The following HSD11B1 variants were observed in gnomAD, a reference collection of about 807,000 sequenced individuals.
HSD11B1 encodes hydroxysteroid 11-beta dehydrogenase 1.
In HSD11B1, 15 loss-of-function variants were observed where a neutral mutation model predicts 22.1. That is an observed-to-expected ratio of 0.68 (90% CI 0.45 to 1.04). The LOEUF is 1.04. Among genes scored for constraint, HSD11B1 ranks in the 50% least tolerant of loss-of-function variants. HSD11B1 has a pLI of 0.00. For missense variants in HSD11B1, 281 were observed against 357.6 expected, an observed-to-expected ratio of 0.79 and a Z score of 1.73; for synonymous variants, 122 against 125.2, an observed-to-expected ratio of 0.97 and a Z score of 0.17.
At chr1:209,719,124 G>GT (rs2076949396) in intron 4 of HSD11B1, among the ~76,000 whole-genome samples, 1 of 151,494 alleles carries the variant, frequency 6.6e-6, no homozygotes, top group Admixed American at 6.6e-5. Context: ...CAAAAACACT[G>GT]TATGTTTCAC....
intron 1 of HSD11B1, among the ~76,000 whole-genome samples, chr1:209,692,616 G>GGC (rs1553286744): frequency 9.1e-6 from 1 of 110,436 alleles, no homozygotes; most frequent in African/African-American, 3.4e-5. Flanking sequence ...GCGGGGGGGG[G>GGC]GGTGGGGGCT....
upstream of HSD11B1, among the ~76,000 whole-genome samples, chr1:209,699,950 A>G (rs1410524855): frequency 6.6e-6 from 1 of 152,186 alleles, no homozygotes; most frequent in Non-Finnish European, 1.5e-5. Context: ...GGTTACACTG[A>G]TGCAAAAGGT....
intron 1 of HSD11B1, among the ~76,000 whole-genome samples, chr1:209,697,237 CTCTT>C (rs1207700580): frequency 1.1e-4 from 16 of 152,184 alleles, no homozygotes. Context: ...TCTTTCACAC[CTCTT>C]TCTATTTTCC....
intron 4 of HSD11B1, among the ~76,000 whole-genome samples, chr1:209,721,311 T>C (rs1026348290): frequency 6.6e-6 from 1 of 151,948 alleles, no homozygotes; most frequent in African/African-American, 2.4e-5. Context: ...TGTCCCTCTG[T>C]GTAAGAAATG....
intron 4 of HSD11B1, among the ~76,000 whole-genome samples, chr1:209,731,801 G>A (rs1049945110): frequency 1.3e-5 from 2 of 152,074 alleles, no homozygotes; most frequent in Non-Finnish European, 2.9e-5. Flanking sequence ...TGCAACTTCC[G>A]CCTCCCAAAT....
chr1:209,704,631 G>C (rs73089432), upstream of HSD11B1, among the ~76,000 whole-genome samples: 201 of 152,318 alleles, frequency 1.3e-3, no homozygotes, highest in African/African-American at 4.7e-3. Context: ...GACTCGGGTA[G>C]GGATGCTCAG....
At chr1:209,720,172 G>C in intron 4 of HSD11B1, among the ~76,000 whole-genome samples, 1 of 152,112 alleles carries the variant, frequency 6.6e-6, no homozygotes, top group South Asian at 2.1e-4. Context: ...AGGGAAAAGA[G>C]TAATTTTACA....
rs374786529 is a variant in HSD11B1, at chr1:209,705,958, C to T, written c.219+17C>T. 250 of 1,613,362 alleles carry T rather than the reference C, an allele frequency of 1.5e-4. No homozygotes were observed. Among genetic ancestry groups the T allele is most frequent in the South Asian group, 3.8e-4 (35 of 91,056 alleles). ...CTACAGAAGGTGAGGGTTCTATGCT[C>T]GCAGATATGTGTACCGTCACATGCT... On this transcript the variant is annotated intron_variant, in intron 2 of 5. Transcript: ENST00000367027.
Position 209,707,244 on chromosome 1 carries a change from GGGATT to G in HSD11B1, c.517+119_517+123del, listed in dbSNP as rs949956102. The G allele has an allele frequency of 3.6e-5, 32 of 895,970 alleles. 1 individual carries two copies. The highest frequency in any genetic ancestry group is 5.7e-5 in the Non-Finnish European group (31 of 547,432). The allele number at this position is 895,970 out of a possible 1,614,324, so 55.5% of individuals were successfully genotyped here. ...CAGTTTCCATGCAGAGAAGTAATGA[GGGATT>G]GGTCAAGGTAAGTGGGCTACAAAAT... On this transcript the variant is annotated intron_variant, in intron 4 of 5. Coordinates refer to ENST00000367027, the MANE Select transcript of HSD11B1 (RefSeq NM_005525.4).
chr1:209,713,393 A>T lies in HSD11B1; in HGVS notation c.517+6265A>T, dbSNP rs540989521. ...TTTTCCAAATTTTCATTGTGTGTGT[A>T]TGCATGCATGTGTAACTTTTATAAT... is the stretch of plus-strand genomic sequence containing the variant. On this transcript the variant is annotated intron_variant, in intron 4 of 5. Transcript: ENST00000367027. 6.6e-5 allele frequency among the ~76,000 whole-genome samples: 10 copies of T among 152,286 alleles called. No individual in the cohort carries two copies. In the South Asian group the frequency reaches 1.9e-3, roughly 28 times the overall value.
upstream of HSD11B1, among the ~76,000 whole-genome samples, chr1:209,702,734 T>C (rs994664742): frequency 2.0e-5 from 3 of 152,204 alleles, no homozygotes; most frequent in Non-Finnish European, 1.5e-5. Flanking sequence ...AGGTAAAACC[T>C]ACACAGGCAA....
At chr1:209,717,918 T>G (rs185619171) in intron 4 of HSD11B1, among the ~76,000 whole-genome samples, 1 of 143,710 alleles carries the variant, frequency 7.0e-6, no homozygotes, top group Non-Finnish European at 1.5e-5. Context: ...CAAAGAGATA[T>G]ATGCAACTCC....
chr1:209,734,552 A>AT lies in HSD11B1; in HGVS notation c.*35dup, dbSNP rs1650543145. The AT allele has an allele frequency of 3.3e-6, 5 of 1,495,614 alleles. No individual in the cohort carries two copies. Among genetic ancestry groups the AT allele is most frequent in the Non-Finnish European group, 4.7e-6 (5 of 1,075,206 alleles). The allele number at this position is 1,495,614 out of a possible 1,614,324, so 92.6% of individuals were successfully genotyped here. A position where few individuals can be genotyped will look rare whatever the true frequency, so the allele number is the denominator to read the frequency against. On this transcript the variant is annotated 3_prime_UTR_variant, in exon 6 of 6. Coordinates refer to ENST00000367027, the MANE Select transcript of HSD11B1 (RefSeq NM_005525.4). Reference sequence around the variant, plus strand: ...CCCTGAGGGCTGGGCATGCTGAGGGATTTTGGGACTGTTCTGTCTCATGTT... The same window carrying AT: ...CCCTGAGGGCTGGGCATGCTGAGGGATTTTTGGGACTGTTCTGTCTCATGTT...
intron 1 of HSD11B1, among the ~76,000 whole-genome samples, chr1:209,698,914 A>G (rs1341624554): frequency 1.1e-4 from 16 of 152,122 alleles, no homozygotes; most frequent in Admixed American, 1.0e-3. Context: ...TCAGTCCCCT[A>G]CCACAAGCTA....
At chr1:209,688,701 A>T (rs2076742224) in intron 1 of HSD11B1, among the ~76,000 whole-genome samples, 1 of 152,216 alleles carries the variant, frequency 6.6e-6, no homozygotes, top group Non-Finnish European at 1.5e-5. Flanking sequence ...CTGACAAGCC[A>T]CTCAGAAATA....
chr1:209,732,317 A>G (rs984224208), intron 4 of HSD11B1, 119 bp from the exon 5 acceptor site: 11 of 1,053,632 alleles, frequency 1.0e-5, no homozygotes, highest in Admixed American at 1.8e-5. Context: ...TGGGGAATAT[A>G]GAGAAACTAA....
chr1:209,720,715 A>G (rs1445435601), intron 4 of HSD11B1, among the ~76,000 whole-genome samples: 1 of 152,026 alleles, frequency 6.6e-6, no homozygotes, highest in Non-Finnish European at 1.5e-5. Context: ...CCTCAATTGG[A>G]TCCTTTTGCT....
chr1:209,707,776 C>T (rs1235205459), intron 4 of HSD11B1, among the ~76,000 whole-genome samples: 2 of 152,156 alleles, frequency 1.3e-5, no homozygotes, highest in Non-Finnish European at 2.9e-5. Context: ...GACCTAGTCA[C>T]AATGGATAAA....
In HSD11B1 at chr1:209,699,664, T is replaced by C. The variant is rs2076815267; in HGVS notation, c.-48-5231T>C. Among the ~76,000 whole-genome samples the C allele has an allele frequency of 2.6e-5, 4 of 152,048 alleles. No homozygotes were observed. In the South Asian group the frequency reaches 8.3e-4, roughly 32 times the overall value. Reference sequence around the variant, plus strand: ...AAAACCAATCATGCCTTCCCAACAGTCCCCCAAAGTTTTAACTCATTTCAG... The same window carrying C: ...AAAACCAATCATGCCTTCCCAACAGCCCCCCAAAGTTTTAACTCATTTCAG... On this transcript the variant is annotated intron_variant, in intron 1 of 6. Transcript: ENST00000261465.
Sources: gnomAD v4.1 joint callset for allele counts (sites outside exome capture counted in the v4.1 genomes callset) on GRCh38, gnomAD v4.1.1 for gene constraint, MANE v1.5 for transcripts, NCBI Gene and HGNC (gene_info 2026-07-23, HGNC 2026-07-21) for gene names.